CREM: variants seen among roughly 807,000 people sequenced by gnomAD.
CREM encodes the protein cAMP-responsive element modulator.
In CREM, 13 loss-of-function variants were observed where a neutral mutation model predicts 37.3. The ratio of observed to expected loss-of-function variants is 0.35; its 90% CI spans 0.23 to 0.55. The LOEUF is 0.55. Ranked by LOEUF, CREM falls within the 20% of genes least tolerant of loss-of-function variation. CREM has a pLI of 0.88. For synonymous variants in CREM, 124 were observed against 120.2 expected, an observed-to-expected ratio of 1.03 and a Z score of -0.21; for missense variants, 296 against 362.3, an observed-to-expected ratio of 0.82 and a Z score of 1.49.
In CREM at chr10:35,198,678, C is replaced by G. The variant is rs184917762; in HGVS notation, c.599-8217C>G. Among the ~76,000 whole-genome samples the G allele has an allele frequency of 2.5e-3, 386 of 152,222 alleles. 3 individuals are homozygous for G. The highest frequency in any genetic ancestry group is 9.0e-3 in the African/African-American group (374 of 41,518). The stretch of plus-strand genomic sequence containing the variant: ...CCTATCTTTTAGACTCTGAGTCTGA[C>G]GTTGCATTCTGACGTTGCATTCTGG... On this transcript the variant is annotated intron_variant, in intron 6 of 7. Coordinates refer to ENST00000685392, the MANE Select transcript of CREM (RefSeq NM_183011.2).
chr10:35,166,002 C>G (rs2093532398), intron 3 of CREM, among the ~76,000 whole-genome samples: 1 of 152,038 alleles, frequency 6.6e-6, no homozygotes, highest in African/African-American at 2.4e-5. Context: ...GAAATTTGAC[C>G]ATTTACGTTT....
intron 6 of CREM, chr10:35,196,031 G>C (rs374899970): frequency 5.8e-5 from 94 of 1,613,138 alleles, no homozygotes; most frequent in South Asian, 2.4e-4. Context: ...TTGTCTGCTT[G>C]AAGAGGGAAA....
At chr10:35,146,974 A>C (rs1348845406) in intron 2 of CREM, among the ~76,000 whole-genome samples, 3 of 152,078 alleles carry the variant, frequency 2.0e-5, no homozygotes, top group African/African-American at 7.2e-5. Context: ...GGTGAAAAAG[A>C]AACATTGTAT....
chr10:35,190,185 G>C (rs997042582), intron 6 of CREM, among the ~76,000 whole-genome samples: 1 of 152,184 alleles, frequency 6.6e-6, no homozygotes. Flanking sequence ...CAATATGCAC[G>C]TAAGTTTGTG....
chr10:35,159,487 T>C (rs1408248641), intron 3 of CREM, among the ~76,000 whole-genome samples: 1 of 152,192 alleles, frequency 6.6e-6, no homozygotes, highest in Non-Finnish European at 1.5e-5. Flanking sequence ...GAAAGGGCCA[T>C]TTCTTTAATA....
intron 6 of CREM, among the ~76,000 whole-genome samples, chr10:35,189,500 GTTTGTTTATTTA>G (rs1440096479): frequency 6.6e-6 from 1 of 151,904 alleles, no homozygotes; most frequent in Non-Finnish European, 1.5e-5. Context: ...TTGTTTGTTT[GTTTGTTTATTTA>G]TTTATTTATT....
chr10:35,161,859 G>A (rs1375572000), intron 3 of CREM, among the ~76,000 whole-genome samples: 1 of 152,190 alleles, frequency 6.6e-6, no homozygotes, highest in Non-Finnish European at 1.5e-5. Context: ...ATGGAAAACA[G>A]TATGGAGGTT....
chr10:35,138,724 T>TA (rs1294280912), intron 2 of CREM, among the ~76,000 whole-genome samples: 1 of 151,382 alleles, frequency 6.6e-6, no homozygotes, highest in Non-Finnish European at 1.5e-5. Context: ...AATTTATTAC[T>TA]AAAAAAAATT....
At chr10:35,155,912 A>C (rs1306755351) in intron 3 of CREM, among the ~76,000 whole-genome samples, 2 of 150,230 alleles carry the variant, frequency 1.3e-5, no homozygotes, top group African/African-American at 4.9e-5. Flanking sequence ...TACAGGCATG[A>C]GCCACTGCGC....
chr10:35,179,519 G>C (rs1349629179), intron 5 of CREM: 1 of 426,052 alleles, frequency 2.3e-6, no homozygotes, highest in African/African-American at 2.0e-5. Context: ...GGGTAAAAAG[G>C]AGAATTTTTC....
At chr10:35,188,422 C>T in intron 6 of CREM, 34 bp downstream of exon 6, 1 of 1,532,430 alleles carries the variant, frequency 6.5e-7, no homozygotes, top group South Asian at 1.2e-5. Flanking sequence ...TTTAGAATAC[C>T]TATGGATTAC....
intron 3 of CREM, among the ~76,000 whole-genome samples, chr10:35,166,346 T>C (rs1008009886): frequency 1.3e-5 from 2 of 152,068 alleles, no homozygotes; most frequent in African/African-American, 4.8e-5. Context: ...GTAGATTACC[T>C]GAGGCCAGGA....
intron 3 of CREM, among the ~76,000 whole-genome samples, chr10:35,166,091 AAAG>A (rs1398077257): frequency 4.6e-5 from 7 of 152,210 alleles, no homozygotes; most frequent in African/African-American, 1.4e-4. Flanking sequence ...TACATAAAAA[AAAG>A]GATTGGAGGC....
intron 5 of CREM, among the ~76,000 whole-genome samples, chr10:35,180,219 T>G (rs1288224395): frequency 6.6e-6 from 1 of 152,216 alleles, no homozygotes; most frequent in Non-Finnish European, 1.5e-5. Context: ...TTTCTGACTT[T>G]AAAAAGAGCT....
intron 6 of CREM, chr10:35,195,038 C>A: frequency 1.5e-6 from 1 of 688,936 alleles, no homozygotes; most frequent in Non-Finnish European, 2.4e-6. Context: ...GTGAGCTCGC[C>A]TGTGACAAAG....
chr10:35,175,472 C>CT, intron 3 of CREM: 1 of 549,212 alleles, frequency 1.8e-6, no homozygotes, highest in South Asian at 2.2e-5. Flanking sequence ...TAGTTAAGTT[C>CT]TATCTCCAAT....
chr10:35,177,279 C>G (rs1430139175), intron 3 of CREM, among the ~76,000 whole-genome samples: 2 of 152,082 alleles, frequency 1.3e-5, no homozygotes, highest in Non-Finnish European at 2.9e-5. Flanking sequence ...AAGAATAATT[C>G]TCATCATTAT....
At chr10:35,198,865 C>T (rs762298122) in intron 6 of CREM, among the ~76,000 whole-genome samples, 4 of 152,104 alleles carry the variant, frequency 2.6e-5, no homozygotes, top group East Asian at 1.9e-4. Flanking sequence ...AGAATAATTT[C>T]GAGGCTGGGC....
chr10:35,195,583 C>T (rs893022160), intron 6 of CREM, among the ~76,000 whole-genome samples: 1 of 151,972 alleles, frequency 6.6e-6, no homozygotes, highest in African/African-American at 2.4e-5. Flanking sequence ...TCATAGGCAA[C>T]CTGTTGCAAA....
Sources: gnomAD v4.1 joint callset for allele counts (sites outside exome capture counted in the v4.1 genomes callset) on GRCh38, gnomAD v4.1.1 for gene constraint, MANE v1.5 for transcripts, NCBI Gene and HGNC (gene_info 2026-07-23, HGNC 2026-07-21) for gene names.